The following DLG2 variants were observed in gnomAD, a reference collection of about 807,000 sequenced individuals.
The protein encoded by DLG2 is discs large MAGUK scaffold protein 2, also known as disks large homolog 2.
DLG2 carries 45 observed loss-of-function variants against 132.5 expected under a neutral mutation model. The ratio of observed to expected loss-of-function variants is 0.34; its 90% CI spans 0.27 to 0.44. The LOEUF is 0.44. Among genes scored for constraint, DLG2 ranks in the 20% least tolerant of loss-of-function variants. The pLI is 1.00. For synonymous variants in DLG2, 424 were observed against 419.6 expected (o/e 1.01, Z -0.13); for missense variants, 1,045 against 1,196.9 (o/e 0.87, Z 1.87).
chr11:85,461,969 C>T (rs1319551690), intron 3 of DLG2, among the ~76,000 whole-genome samples: 1 of 152,140 alleles, frequency 6.6e-6, no homozygotes, highest in Non-Finnish European at 1.5e-5. Flanking sequence ...AAAAACACAA[C>T]CCCACCAAAA....
chr11:83,474,242 C>T (rs552364454), intron 22 of DLG2, among the ~76,000 whole-genome samples: 1 of 152,090 alleles, frequency 6.6e-6, no homozygotes, highest in African/African-American at 2.4e-5. Flanking sequence ...AGAATGATTC[C>T]CTTTGAATAA....
intron 3 of DLG2, among the ~76,000 whole-genome samples, chr11:85,365,300 T>A (rs1308465440): frequency 6.6e-6 from 1 of 152,190 alleles, no homozygotes; most frequent in Non-Finnish European, 1.5e-5. Context: ...GAAGATCACA[T>A]GCCTATATAT....
chr11:83,477,963 C>T (rs1313707408), intron 22 of DLG2, among the ~76,000 whole-genome samples: 1 of 152,030 alleles, frequency 6.6e-6, no homozygotes, highest in African/African-American at 2.4e-5. Context: ...AAGCTCAGCT[C>T]AAAGCTACTT....
At chr11:84,876,074 A>G (rs562148082) in intron 6 of DLG2, among the ~76,000 whole-genome samples, 3 of 152,092 alleles carry the variant, frequency 2.0e-5, no homozygotes, top group African/African-American at 7.2e-5. Flanking sequence ...TATTACTGTT[A>G]TTATTCTCCT....
At chr11:85,336,256 G>A in intron 3 of DLG2, 1 of 153,774 alleles carries the variant, frequency 6.5e-6, no homozygotes, top group Non-Finnish European at 1.5e-5. Flanking sequence ...CCACCACCTG[G>A]TACTGGGGTC....
intron 9 of DLG2, among the ~76,000 whole-genome samples, chr11:84,120,503 C>G (rs1316191847): frequency 6.6e-6 from 1 of 152,054 alleles, no homozygotes; most frequent in African/African-American, 2.4e-5. Context: ...ATCACTGCAT[C>G]AAAAATAAAG....
intron 7 of DLG2, among the ~76,000 whole-genome samples, chr11:84,492,580 T>C (rs1222601032): frequency 6.6e-6 from 1 of 152,132 alleles, no homozygotes; most frequent in Non-Finnish European, 1.5e-5. Flanking sequence ...AGCTGTATAA[T>C]AAAGAAAATA....
At chr11:85,299,756 G>A (rs1325199394) in intron 3 of DLG2, among the ~76,000 whole-genome samples, 2 of 152,176 alleles carry the variant, frequency 1.3e-5, no homozygotes, top group Non-Finnish European at 2.9e-5. Flanking sequence ...GTAGTCTAGG[G>A]TAGGGCCTAG....
At chr11:83,463,908 C>G (rs1591266628) in intron 26 of DLG2, among the ~76,000 whole-genome samples, 1 of 152,224 alleles carries the variant, frequency 6.6e-6, no homozygotes, top group African/African-American at 2.4e-5. Flanking sequence ...TTTTTATTCT[C>G]TGACCTGTGA....
At chr11:84,943,167 CGTGTGT>C (rs201404405) in intron 6 of DLG2, among the ~76,000 whole-genome samples, 3,304 of 137,832 alleles carry the variant, frequency 0.024, 68 homozygotes, top group African/African-American at 0.057. Context: ...TGTGTGTGTG[CGTGTGT>C]GTGTGTGTGT....
rs563586293 is a variant in DLG2 at position 84,297,119 on chromosome 11, T to C, written c.520-45828A>G. Among the ~76,000 whole-genome samples the C allele has an allele frequency of 8.9e-4, 107 of 119,988 alleles. 2 individuals carry two copies. Among genetic ancestry groups the C allele is most frequent in the African/African-American group, 2.9e-3 (106 of 36,720 alleles). The allele number at this position is 119,988 out of a possible 152,430, so 78.7% of individuals were successfully genotyped here. The stretch of plus-strand genomic sequence containing the variant: ...CAATACTCACCCATGTGAGGTAACC[T>C]CAAAGAATTTGAAAAAAAAAAAACA... On this transcript the variant is annotated intron_variant, in intron 7 of 27. Transcript: ENST00000376104.
chr11:84,812,362 G>A (rs1188270812), intron 6 of DLG2, among the ~76,000 whole-genome samples: 1 of 152,178 alleles, frequency 6.6e-6, no homozygotes, highest in East Asian at 1.9e-4. Context: ...TGCCTGGTCA[G>A]AGATGAGTCA....
chr11:84,378,364 C>A (rs538715187), intron 7 of DLG2, among the ~76,000 whole-genome samples: 91 of 152,188 alleles, frequency 6.0e-4, no homozygotes, highest in African/African-American at 2.2e-3. Context: ...TCACCAGCAA[C>A]CTAATTTGCT....
chr11:84,307,327 A>G (rs1351223632), intron 7 of DLG2, among the ~76,000 whole-genome samples: 1 of 152,194 alleles, frequency 6.6e-6, no homozygotes, highest in Non-Finnish European at 1.5e-5. Flanking sequence ...GGGGAACAAT[A>G]GACACCAGGA....
chr11:85,155,934 G>A (rs2077559109), intron 4 of DLG2, among the ~76,000 whole-genome samples: 1 of 151,990 alleles, frequency 6.6e-6, no homozygotes, highest in Non-Finnish European at 1.5e-5. Context: ...TGCAGGCTAG[G>A]ACAGCTCCCA....
chr11:85,373,062 T>G (rs1040670473), intron 3 of DLG2, among the ~76,000 whole-genome samples: 1 of 152,122 alleles, frequency 6.6e-6, no homozygotes, highest in Non-Finnish European at 1.5e-5. Flanking sequence ...AGATGCATCC[T>G]CCAAACTGAA....
chr11:84,538,514 G>A (rs2099360775), intron 6 of DLG2, among the ~76,000 whole-genome samples: 1 of 152,018 alleles, frequency 6.6e-6, no homozygotes, highest in Non-Finnish European at 1.5e-5. Context: ...ACACTACAAA[G>A]TATCCAGCGA....
intron 6 of DLG2, among the ~76,000 whole-genome samples, chr11:84,634,059 C>A (rs529832772): frequency 3.5e-4 from 53 of 152,282 alleles, no homozygotes; most frequent in African/African-American, 1.2e-3. Context: ...CTCTGTACAG[C>A]TGCTCTATTT....
intron 6 of DLG2, among the ~76,000 whole-genome samples, chr11:84,782,445 C>A (rs2071984534): frequency 6.6e-6 from 1 of 151,048 alleles, no homozygotes; most frequent in Admixed American, 6.9e-5. Context: ...CTACCACACA[C>A]ACACACACAC....
Sources: allele counts gnomAD v4.1 joint callset (sites outside exome capture counted in the v4.1 genomes callset), GRCh38; gene constraint gnomAD v4.1.1; transcripts MANE v1.5; gene names NCBI Gene and HGNC (gene_info 2026-07-23, HGNC 2026-07-21).